The following LGMN variants were observed in gnomAD, a reference collection of about 807,000 sequenced individuals.
The protein encoded by LGMN is asparaginyl endopeptidase.
A neutral mutation model predicts 56.8 loss-of-function variants in LGMN; 36 were observed. That is an observed-to-expected ratio of 0.63 (90% CI 0.49 to 0.84). The LOEUF (loss-of-function observed/expected upper bound fraction) is 0.84, where lower values mean the gene tolerates loss of function less well. LGMN is among the 40% of genes least tolerant of loss of function. The pLI is 0.00. For synonymous variants in LGMN, 199 were observed against 210.1 expected (o/e 0.95, Z 0.46); for missense variants, 446 against 556.1 (o/e 0.80, Z 1.99).
chr14:92,732,482 T>A, intron 2 of LGMN, 167 bp downstream of exon 2: 1 of 711,410 alleles, frequency 1.4e-6, no homozygotes, highest in Admixed American at 2.8e-5. Flanking sequence ...TGGCAACATA[T>A]GAGGGTTCTG....
intron 13 of LGMN, 76 bp from the exon 14 acceptor site, chr14:92,704,437 C>T (rs1437070058): frequency 1.6e-5 from 20 of 1,285,728 alleles, no homozygotes; most frequent in Middle Eastern, 1.9e-4. Context: ...AACCCACATG[C>T]GGCAGGCAGG....
chr14:92,724,780 G>A (rs1355382094), intron 2 of LGMN, among the ~76,000 whole-genome samples: 1 of 152,188 alleles, frequency 6.6e-6, no homozygotes, highest in African/African-American at 2.4e-5. Context: ...CTGTCTGCTT[G>A]TACTGCCTCC....
chr14:92,741,897 G>C (rs1029061180), intron 1 of LGMN: 2 of 152,004 alleles, frequency 1.3e-5, no homozygotes, highest in Non-Finnish European at 2.9e-5. Context: ...AAGGTTTTTC[G>C]GCTGACAATG....
At chr14:92,742,156 A>ACC (rs34757540) in intron 1 of LGMN, among the ~76,000 whole-genome samples, 4 of 149,448 alleles carry the variant, frequency 2.7e-5, no homozygotes, top group Non-Finnish European at 4.5e-5. Flanking sequence ...AATTCCACTA[A>ACC]CCCCCCCTCA....
At chr14:92,721,209 TCA>T (rs1403494790) in intron 2 of LGMN, among the ~76,000 whole-genome samples, 2 of 152,176 alleles carry the variant, frequency 1.3e-5, no homozygotes, top group African/African-American at 4.8e-5. Flanking sequence ...CCTAATGTAA[TCA>T]CAAAGGCTTT....
chr14:92,722,773 T>C (rs181554426), intron 2 of LGMN, among the ~76,000 whole-genome samples: 1 of 152,174 alleles, frequency 6.6e-6, no homozygotes, highest in African/African-American at 2.4e-5. Flanking sequence ...GAGCCAAAAA[T>C]AGGCAAAAGA....
chr14:92,712,341 A>C (rs1257112074), intron 8 of LGMN, among the ~76,000 whole-genome samples: 1 of 152,170 alleles, frequency 6.6e-6, no homozygotes, highest in Non-Finnish European at 1.5e-5. Context: ...ACCTATACAA[A>C]AGCTACCACT....
intron 2 of LGMN, among the ~76,000 whole-genome samples, chr14:92,724,946 A>G (rs1890671211): frequency 6.6e-6 from 1 of 152,228 alleles, no homozygotes; most frequent in Non-Finnish European, 1.5e-5. Flanking sequence ...CACACAGCTG[A>G]GCAGTGCTGA....
At chr14:92,704,408 A>T in intron 13 of LGMN, 47 bp from the exon 14 acceptor site, 1 of 1,484,098 alleles carries the variant, frequency 6.7e-7, no homozygotes, top group East Asian at 2.3e-5. Flanking sequence ...TCAACTCTGA[A>T]GAAAGGCAGA....
chr14:92,704,550 G>A, intron 13 of LGMN, 90 bp downstream of exon 13: 2 of 1,232,118 alleles, frequency 1.6e-6, no homozygotes, highest in South Asian at 1.2e-5. Flanking sequence ...CCTGGCAGAA[G>A]TGAAAATGCC....
chr14:92,737,983 G>A (rs1042413061), intron 1 of LGMN, among the ~76,000 whole-genome samples: 1 of 152,150 alleles, frequency 6.6e-6, no homozygotes, highest in African/African-American at 2.4e-5. Context: ...TTTATTCTGA[G>A]TTTCGTTCAT....
chr14:92,730,446 C>T lies in LGMN; in HGVS notation c.138+2203G>A, dbSNP rs150350138. ...TTATCATTTTTTTTAAACAAGGTCT[C>T]GCTCTGCTACCCAAGCTGGAGCGCA... On this transcript the variant is annotated intron_variant, in intron 2 of 13. Transcript: ENST00000334869. Among the ~76,000 whole-genome samples the T allele has an allele frequency of 4.9e-3, 748 of 152,172 alleles. 7 individuals carry two copies. The highest frequency in any genetic ancestry group is 0.017 in the African/African-American group (690 of 41,502).
At position 92,746,929 on chromosome 14, in the gene LGMN, G is replaced by C. The variant is rs1381868039; in HGVS notation, c.-30+1560C>G. On this transcript the variant is annotated intron_variant, in intron 1 of 13. Transcript: ENST00000334869. ...CGGGCGCCTGTAGTCCTAGCTACTC[G>C]GGAGGCCGAGGCAGGAGAATGGCGT... 5.9e-5 allele frequency among the ~76,000 whole-genome samples: 9 copies of C among 151,958 alleles called. 1 individual carries two copies. The highest frequency in any genetic ancestry group is 3.4e-3 in the Middle Eastern group (1 of 292).
chr14:92,713,908 G>T, intron 6 of LGMN, 23 bp from the exon 7 acceptor site: 1 of 1,567,856 alleles, frequency 6.4e-7, no homozygotes, highest in South Asian at 1.1e-5. Context: ...AATATTGTCA[G>T]ACCAACACAT....
intron 1 of LGMN, among the ~76,000 whole-genome samples, chr14:92,739,328 T>TTGTGACTCTGCTGTTTTTGGC (rs1230934946): frequency 6.6e-6 from 1 of 152,194 alleles, no homozygotes; most frequent in Non-Finnish European, 1.5e-5. Context: ...TACTCATTCT[T>TTGTGACTCTGCTGTTTTTGGC]TGTGACTCTG....
Position 92,709,823 on chromosome 14 carries a change from G to C in LGMN, c.869C>G (p.Ala290Gly), listed in dbSNP as rs151054975. 1.5e-4 allele frequency: 247 copies of C among 1,613,536 alleles called. No individual in the cohort carries two copies. In the East Asian group the frequency reaches 5.5e-3, roughly 36 times the overall value. Residue 290 changes from alanine (A) to glycine (G), a missense_variant, in exon 11 of 14, where the codon GCC becomes GGC. By Grantham distance (60) the Ala-to-Gly change is moderately conservative. Coordinates refer to ENST00000334869, the MANE Select transcript of LGMN (RefSeq NM_005606.7). ...VMQFQGMKRK[A>G]SSPVPLPPVT... is the part of the protein sequence containing the mutation. The stretch of plus-strand genomic sequence containing the variant: ...TGGAGGTAGGGGGACGGGAGAACTG[G>C]CTTTGCGTTTCATACCCTGAAACTG...
Position 92,732,772 on chromosome 14 carries a change from T to G in LGMN, c.15A>C (p.Val5=). The change falls in exon 2 of 14, where the codon GTA becomes GTC. Residue 5 remains valine, a synonymous_variant. Transcript: ENST00000334869. MVWK[V]AVFLSVALGI... ...CCAGGGCCACACTGAGGAATACAGC[T>G]ACTTTCCAAACCATTCTGCACCTTG... 6.2e-7 allele frequency: 1 copy of G among 1,613,958 alleles called. No individual in the cohort carries two copies. Among genetic ancestry groups the G allele is most frequent in the Non-Finnish European group, 8.5e-7 (1 of 1,179,960 alleles).
At chr14:92,715,915 G>A in intron 5 of LGMN, 1 of 341,666 alleles carries the variant, frequency 2.9e-6, no homozygotes, top group Non-Finnish European at 5.4e-6. Context: ...TAATAATGAG[G>A]GGCCCTGGAT....
At chr14:92,710,988 G>A (rs763498518) in intron 10 of LGMN, among the ~76,000 whole-genome samples, 79 of 152,180 alleles carry the variant, frequency 5.2e-4, no homozygotes, top group Non-Finnish European at 6.9e-4. Flanking sequence ...CTCAGCTGGC[G>A]AGCTCTCCGC....
Sources: gnomAD v4.1 joint callset for allele counts (sites outside exome capture counted in the v4.1 genomes callset) on GRCh38, gnomAD v4.1.1 for gene constraint, MANE v1.5 for transcripts, NCBI Gene and HGNC (gene_info 2026-07-23, HGNC 2026-07-21) for gene names.